The following RALY variants were observed in gnomAD, a reference collection of about 807,000 sequenced individuals.
RALY encodes RNA-binding protein Raly.
RALY carries 15 observed loss-of-function variants against 30.7 expected under a neutral mutation model. The observed-to-expected ratio is 0.49, with a 90% CI of 0.33 to 0.75. RALY has a LOEUF of 0.75. RALY is among the 30% of genes least tolerant of loss of function. The pLI is 0.02. For synonymous variants in RALY, 177 were observed against 170.8 expected (o/e 1.04, Z -0.28); for missense variants, 339 against 414.3 (o/e 0.82, Z 1.58).
At chr20:34,039,655 A>G (rs1028235916) in intron 2 of RALY, among the ~76,000 whole-genome samples, 5 of 152,170 alleles carry the variant, frequency 3.3e-5, no homozygotes, top group Non-Finnish European at 7.3e-5. Flanking sequence ...AGGCCATTCA[A>G]TTTGCATCTA....
At chr20:34,011,470 A>G (rs575437815) in intron 1 of RALY, among the ~76,000 whole-genome samples, 6 of 152,340 alleles carry the variant, frequency 3.9e-5, no homozygotes, top group Admixed American at 2.0e-4. Flanking sequence ...CTTGTGACCT[A>G]TGAGATAAAA....
At chr20:34,078,458 A>G in intron 8 of RALY, 47 bp from the exon 9 acceptor site, 1 of 1,506,216 alleles carries the variant, frequency 6.6e-7, no homozygotes. Context: ...CAGGACTCAG[A>G]GCTGGCAATG....
intron 3 of RALY, 134 bp from the exon 4 acceptor site, chr20:34,073,429 G>GT: frequency 1.3e-6 from 1 of 777,628 alleles, no homozygotes; most frequent in Non-Finnish European, 2.2e-6. Context: ...GAAGACCTTT[G>GT]TTGGCACCAT....
chr20:34,045,102 GGGTCTCCCTACGTTGCCTAGGAT>G, intron 2 of RALY, among the ~76,000 whole-genome samples: 1 of 151,934 alleles, frequency 6.6e-6, no homozygotes, highest in South Asian at 2.1e-4. Flanking sequence ...TGTAGAGCCA[GGGTCTCCCTACGTTGCCTAGGAT>G]GGTCTCAACA....
chr20:34,034,025 C>T (rs1044747856), intron 2 of RALY, among the ~76,000 whole-genome samples: 2 of 152,140 alleles, frequency 1.3e-5, no homozygotes, highest in South Asian at 2.1e-4. Flanking sequence ...ACTCATGAAC[C>T]GTGGTATAGG....
chr20:34,007,029 G>A (rs549462838), intron 1 of RALY, among the ~76,000 whole-genome samples: 1 of 152,232 alleles, frequency 6.6e-6, no homozygotes, highest in East Asian at 1.9e-4. Context: ...TTTTCTGTAA[G>A]TTGTTGGTTA....
At chr20:34,022,098 T>C (rs559705766) in intron 1 of RALY, among the ~76,000 whole-genome samples, 79 of 149,532 alleles carry the variant, frequency 5.3e-4, no homozygotes, top group South Asian at 1.7e-3. Flanking sequence ...TTCTTTCTTT[T>C]TTTTTTTTTT....
At chr20:34,057,745 C>T (rs8119937) in intron 2 of RALY, among the ~76,000 whole-genome samples, 94,479 of 151,140 alleles carry the variant, frequency 0.63, 30,725 homozygotes, top group South Asian at 0.85. Context: ...GCTGTGGTGA[C>T]AGTAGAGGAT....
chr20:34,051,868 G>A (rs1601475430), intron 2 of RALY, among the ~76,000 whole-genome samples: 2 of 152,332 alleles, frequency 1.3e-5, no homozygotes, highest in East Asian at 3.9e-4. Flanking sequence ...GCCTCCCAAA[G>A]TGCTGGGATT....
chr20:34,039,996 A>G (rs1207900022), intron 2 of RALY, among the ~76,000 whole-genome samples: 1 of 152,060 alleles, frequency 6.6e-6, no homozygotes, highest in Admixed American at 6.6e-5. Context: ...CAGTAATCCT[A>G]GCTACTTGGG....
At chr20:34,054,143 G>A (rs2033167197) in intron 2 of RALY, among the ~76,000 whole-genome samples, 1 of 152,106 alleles carries the variant, frequency 6.6e-6, no homozygotes, top group Admixed American at 6.5e-5. Flanking sequence ...TCAGCTACAC[G>A]GTTCACTGTT....
At chr20:34,032,194 C>T (rs1287707584) in intron 2 of RALY, among the ~76,000 whole-genome samples, 2 of 152,168 alleles carry the variant, frequency 1.3e-5, no homozygotes, top group Admixed American at 1.3e-4. Flanking sequence ...AACTCCCGAC[C>T]TCAGGTGATC....
intron 1 of RALY, among the ~76,000 whole-genome samples, chr20:34,012,065 C>CAAA (rs142466996): frequency 8.6e-6 from 1 of 116,592 alleles, no homozygotes; most frequent in Non-Finnish European, 1.9e-5. Context: ...GACCCTGTCT[C>CAAA]AAAAAAAAAA....
rs114047864 is a variant in RALY at position 34,073,628 on chromosome 20, A to G, written c.322A>G (p.Ile108Val). The G allele has an allele frequency of 8.4e-5, 134 of 1,596,154 alleles. No homozygotes were observed. In the East Asian group the frequency reaches 2.9e-3, roughly 35 times the overall value. The change falls in exon 4 of 10, where the codon ATA becomes GTA. Residue 108 changes from isoleucine (I) to valine (V), a missense_variant. Ile to Val is a conservative substitution (Grantham distance 29, BLOSUM62 3). This residue lies in a region of RALY where 268 missense variants were observed against 280.6 expected (regional missense o/e 0.95). Transcript: ENST00000246194. ...PKGLKRAASA[I>V]YSGYIFDYDY... ...GGGGCTAAAGAGAGCAGCATCTGCCATATACAGGTGGGGCTGTCTGACTGT... is the reference window on the plus strand; with the variant it reads ...GGGGCTAAAGAGAGCAGCATCTGCCGTATACAGGTGGGGCTGTCTGACTGT...
At chr20:34,052,792 C>T (rs1168415839) in intron 2 of RALY, among the ~76,000 whole-genome samples, 1 of 152,196 alleles carries the variant, frequency 6.6e-6, no homozygotes, top group African/African-American at 2.4e-5. Context: ...ACAGTCCCCA[C>T]AGTCCAGCTC....
intron 2 of RALY, among the ~76,000 whole-genome samples, chr20:34,032,154 G>A (rs889319806): frequency 2.6e-5 from 4 of 152,144 alleles, no homozygotes; most frequent in African/African-American, 9.7e-5. Context: ...GTAGAGACGG[G>A]GTTTCTCCAC....
At chr20:34,055,908 T>G (rs1309187530) in intron 2 of RALY, among the ~76,000 whole-genome samples, 1 of 152,152 alleles carries the variant, frequency 6.6e-6, no homozygotes, top group African/African-American at 2.4e-5. Context: ...CCCAAAAATC[T>G]CTATGTTGCT....
At chr20:34,054,803 A>G (rs890566045) in intron 2 of RALY, among the ~76,000 whole-genome samples, 4 of 150,066 alleles carry the variant, frequency 2.7e-5, no homozygotes, top group Admixed American at 6.6e-5. Context: ...GGGTGACAGA[A>G]TGAGACTGTC....
chr20:34,050,035 G>T (rs1055496822), intron 2 of RALY, among the ~76,000 whole-genome samples: 11 of 152,252 alleles, frequency 7.2e-5, no homozygotes, highest in Non-Finnish European at 1.2e-4. Flanking sequence ...TTAAGATCAT[G>T]TGCGCCCGTG....
Sources: gnomAD v4.1 joint callset for allele counts (sites outside exome capture counted in the v4.1 genomes callset) on GRCh38, gnomAD v4.1.1 for gene constraint, gnomAD v4.1.1 regional missense constraint, MANE v1.5 for transcripts, NCBI Gene and HGNC (gene_info 2026-07-23, HGNC 2026-07-21) for gene names.